The following GNAO1 variants were observed in gnomAD, a reference collection of about 807,000 sequenced individuals.
GNAO1 encodes the protein G protein subunit alpha o1, also known as guanine nucleotide-binding protein G(o) subunit alpha.
For synonymous variants in GNAO1, 164 were observed against 180.7 expected (o/e 0.91, Z 0.74); for missense variants, 166 against 478.7 (o/e 0.35, Z 6.10).
rs149506620 is a variant in GNAO1 at position 56,266,607 on chromosome 16, A to G, written c.162-9324A>G. On this transcript the variant is annotated intron_variant, in intron 2 of 8. Transcript: ENST00000262493. ...GCTTGGGAAACAAGACTAGTGGTCT[A>G]GCCCTGCTTTGGCACTGAATTGCCT... Among the ~76,000 whole-genome samples the G allele has an allele frequency of 2.6e-5, 4 of 152,334 alleles. No homozygotes were observed. In the East Asian group the frequency reaches 7.7e-4, roughly 29 times the overall value.
intron 3 of GNAO1, among the ~76,000 whole-genome samples, chr16:56,328,132 A>G (rs1263434744): frequency 6.6e-6 from 1 of 152,160 alleles, no homozygotes; most frequent in African/African-American, 2.4e-5. Flanking sequence ...CTGCTCCTCT[A>G]CATAGCCCAG....
intron 2 of GNAO1, among the ~76,000 whole-genome samples, chr16:56,257,178 G>C (rs371131741): frequency 9.2e-5 from 14 of 152,200 alleles, no homozygotes; most frequent in East Asian, 7.7e-4. Context: ...CTGGGTTTGG[G>C]GGGGGGAAAT....
chr16:56,252,682 CAT>C (rs1229926122), intron 2 of GNAO1, among the ~76,000 whole-genome samples: 6 of 152,206 alleles, frequency 3.9e-5, no homozygotes, highest in Admixed American at 3.9e-4. Flanking sequence ...GTGAGGCTGA[CAT>C]AGGAAGAACT....
intron 2 of GNAO1, among the ~76,000 whole-genome samples, chr16:56,198,377 A>C (rs922179536): frequency 2.0e-5 from 3 of 152,224 alleles, no homozygotes; most frequent in Non-Finnish European, 4.4e-5. Context: ...TGTGATTAGC[A>C]CTGAGGGGAA....
At chr16:56,347,658 C>T in intron 6 of GNAO1, 1 of 985,980 alleles carries the variant, frequency 1.0e-6, no homozygotes, top group Non-Finnish European at 1.2e-6. Context: ...CATCCCCAGG[C>T]CCAGTGCACA....
intron 2 of GNAO1, 71 bp from the exon 3 acceptor site, chr16:56,275,860 T>C: frequency 7.3e-7 from 1 of 1,375,022 alleles, no homozygotes; most frequent in Non-Finnish European, 9.8e-7. Context: ...CCAGTGCGTC[T>C]CATGCCTGTG....
intron 6 of GNAO1, chr16:56,341,035 T>C (rs1320771232): frequency 2.0e-6 from 3 of 1,512,916 alleles, no homozygotes; most frequent in South Asian, 2.4e-5. Flanking sequence ...GCGGGCCCCG[T>C]TCCCAAAGCC....
At chr16:56,355,787 G>A (rs1294871624) in intron 8 of GNAO1, 1 of 152,214 alleles carries the variant, frequency 6.6e-6, no homozygotes. Context: ...CTGACAGGAG[G>A]GGACTCAAGT....
chr16:56,348,049 C>T (rs2037889796), intron 6 of GNAO1: 1 of 980,726 alleles, frequency 1.0e-6, no homozygotes. Flanking sequence ...ACCTCCCAAC[C>T]CCATCACTGC....
In GNAO1 at chr16:56,340,699, G is replaced by A. The variant is rs187400797; in HGVS notation, c.723+3839G>A. ...TTGTGGGTCCTCCCGTCTCCGTCCT[G>A]GTGGTCTCCGTCCCGGTGGTGCATC... On this transcript the variant is annotated intron_variant, in intron 6 of 8. Transcript: ENST00000262493. The A allele has an allele frequency of 2.7e-4, 206 of 749,264 alleles. No individual in the cohort carries two copies. In the African/African-American group the frequency reaches 3.4e-3, roughly 12 times the overall value. The allele number at this position is 749,264 out of a possible 1,614,324, so 46.4% of individuals were successfully genotyped here.
chr16:56,277,644 C>T (rs185379780), intron 3 of GNAO1, among the ~76,000 whole-genome samples: 10 of 152,250 alleles, frequency 6.6e-5, no homozygotes, highest in Admixed American at 6.5e-4. Flanking sequence ...CAGCCCAGAG[C>T]AAGGAGTGCC....
Position 56,216,615 on chromosome 16 carries a change from A to G in GNAO1, c.161+23999A>G, listed in dbSNP as rs148013614. 6.6e-5 allele frequency among the ~76,000 whole-genome samples: 10 copies of G among 152,358 alleles called. No homozygotes were observed. The East Asian group carries it at 1.9e-3, about 29-fold the overall frequency. On this transcript the variant is annotated intron_variant, in intron 2 of 8. Coordinates refer to ENST00000262493, the MANE Select transcript of GNAO1 (RefSeq NM_020988.3). ...GTTTTTTACCCACTATAAAATGGCG[A>G]TAAGACCTGATGTGGCTGTTAGGAG...
At chr16:56,341,291 C>T (rs538753823) in intron 6 of GNAO1, among the ~76,000 whole-genome samples, 105 of 152,278 alleles carry the variant, frequency 6.9e-4, no homozygotes, top group Non-Finnish European at 1.3e-3. Flanking sequence ...GACGAGCAAA[C>T]GCCGAGAAGA....
intron 6 of GNAO1, chr16:56,340,993 G>T: frequency 6.2e-7 from 1 of 1,612,250 alleles, no homozygotes; most frequent in South Asian, 1.1e-5. Flanking sequence ...TACAGGTAGA[G>T]ACCCCTCCAG....
chr16:56,305,672 A>G (rs908405306), intron 3 of GNAO1, among the ~76,000 whole-genome samples: 13 of 152,180 alleles, frequency 8.5e-5, no homozygotes, highest in Non-Finnish European at 7.3e-5. Context: ...TCCCAGCCCC[A>G]GGGAGAGCTC....
intron 3 of GNAO1, among the ~76,000 whole-genome samples, chr16:56,317,632 G>A (rs1454008303): frequency 1.3e-5 from 2 of 152,114 alleles, no homozygotes; most frequent in Non-Finnish European, 2.9e-5. Flanking sequence ...TGGGGTGGCT[G>A]ATGGGTAGAT....
At chr16:56,294,341 TAAAAAA>T (rs377121608) in intron 3 of GNAO1, among the ~76,000 whole-genome samples, 1 of 133,640 alleles carries the variant, frequency 7.5e-6, no homozygotes, top group Admixed American at 7.5e-5. Flanking sequence ...GGCTTTGCTT[TAAAAAA>T]AAAAAAAAAA....
intron 3 of GNAO1, among the ~76,000 whole-genome samples, chr16:56,310,351 A>G (rs946448359): frequency 3.9e-5 from 6 of 152,174 alleles, no homozygotes; most frequent in African/African-American, 1.4e-4. Context: ...TAAGTAAATT[A>G]AAGTACAAGT....
chr16:56,332,481 T>C (rs576107589), intron 4 of GNAO1, among the ~76,000 whole-genome samples: 2 of 152,326 alleles, frequency 1.3e-5, no homozygotes, highest in African/African-American at 4.8e-5. Flanking sequence ...ATAGCCTGAT[T>C]CGTTCTCTCA....
Sources: gnomAD v4.1 joint callset for allele counts (sites outside exome capture counted in the v4.1 genomes callset) on GRCh38, gnomAD v4.1.1 for gene constraint, MANE v1.5 for transcripts, NCBI Gene and HGNC (gene_info 2026-07-23, HGNC 2026-07-21) for gene names.